Variants in DCST2 observed in about 807,000 individuals in gnomAD.
DCST2 encodes the protein DC-STAMP domain containing 2.
Under a neutral mutation model 81.8 loss-of-function variants are expected in DCST2, and 64 were observed. The observed-to-expected ratio is 0.78, with a 90% confidence interval of 0.64 to 0.96. The LOEUF (loss-of-function observed/expected upper bound fraction) is 0.96, where lower values mean the gene tolerates loss of function less well. Among genes scored for constraint, DCST2 ranks in the 40% least tolerant of loss-of-function variants. DCST2 has a pLI of 0.00. For missense variants in DCST2, 945 were observed against 1,001.4 expected, an observed-to-expected ratio of 0.94 and a Z score of 0.76; for synonymous variants, 354 against 402.6, an observed-to-expected ratio of 0.88 and a Z score of 1.44.
At position 155,026,539 on chromosome 1, in the gene DCST2, A is replaced by G. The variant is rs1463605253; in HGVS notation, c.1510+9T>C. 3.1e-6 allele frequency: 5 copies of G among 1,613,992 alleles called. No individual in the cohort carries two copies. Among genetic ancestry groups the G allele is most frequent in the Non-Finnish European group, 4.2e-6 (5 of 1,180,010 alleles). ...CACGCCCCCAGGGACCTCAGGGTGT[A>G]GTTGATACCAATGACTATGTAGCCA... On this transcript the variant is annotated intron_variant, in intron 9 of 14. Transcript: ENST00000368424.
intron 1 of DCST2, 83 bp from the exon 2 acceptor site, chr1:155,033,347 C>T (rs774533776): frequency 4.4e-6 from 7 of 1,584,600 alleles, no homozygotes; most frequent in East Asian, 2.2e-5. Context: ...CAGAATATTT[C>T]CCTTAACCCC....
At chr1:155,020,455 C>T (rs529507699) in intron 14 of DCST2, among the ~76,000 whole-genome samples, 5 of 151,770 alleles carry the variant, frequency 3.3e-5, no homozygotes, top group South Asian at 2.1e-4. Context: ...CTGCAACTTC[C>T]GCCTCCCGCG....
chr1:155,028,659 G>C (rs1399485926), intron 8 of DCST2, among the ~76,000 whole-genome samples: 1 of 149,836 alleles, frequency 6.7e-6, no homozygotes, highest in Non-Finnish European at 1.5e-5. Flanking sequence ...CAGATCATGA[G>C]GTCAAGAGAT....
intron 11 of DCST2, 124 bp downstream of exon 11, chr1:155,024,348 A>T: frequency 7.6e-7 from 1 of 1,324,340 alleles, no homozygotes; most frequent in Non-Finnish European, 1.0e-6. Flanking sequence ...CGTTAAGGGT[A>T]TGCAATGGGC....
chr1:155,025,486 G>A (rs563638267), intron 10 of DCST2, among the ~76,000 whole-genome samples: 10 of 151,794 alleles, frequency 6.6e-5, no homozygotes, highest in Non-Finnish European at 1.3e-4. Flanking sequence ...GTGCCACCAC[G>A]CCCGGCTAAT....
At position 155,032,875 on chromosome 1, in the gene DCST2, C is replaced by T. The variant is rs923841505; in HGVS notation, c.440-107G>A. The T allele has an allele frequency of 1.5e-5, 17 of 1,168,124 alleles. No individual in the cohort carries two copies. In the South Asian group the frequency reaches 1.5e-4, roughly 10 times the overall value. The allele number at this position is 1,168,124 out of a possible 1,614,324, so 72.4% of individuals were successfully genotyped here. Reference sequence around the variant, plus strand: ...GAGAGGAGGCCACCATTTCCAGAGGCGGGAAGCCTGGATTCTGGGGCCTGG... The same window carrying T: ...GAGAGGAGGCCACCATTTCCAGAGGTGGGAAGCCTGGATTCTGGGGCCTGG... On this transcript the variant is annotated intron_variant, in intron 2 of 14. Transcript: ENST00000368424.
In DCST2 at chr1:155,023,144, A is replaced by G; in HGVS notation, c.2078T>C (p.Leu693Pro). 1 of 1,613,584 alleles carries G rather than the reference A, an allele frequency of 6.2e-7. No individual in the cohort carries two copies. Residue 693 changes from leucine to proline, a missense_variant, in exon 14 of 15, where the codon CTC (leucine) becomes CCC (proline). Leu to Pro is a moderately conservative substitution (Grantham distance 98). Coordinates refer to ENST00000368424, the MANE Select transcript of DCST2 (RefSeq NM_144622.3). ...QQLQEVLGRS[L>P]SMESTSESSD... is the part of the protein sequence containing the mutation. ...GGACTCGGAAGTGGACTCCATTGAG[A>G]GGCTCCTGCCGAGCACTTCTTGGAG...
rs1571550654 is a variant in DCST2, at chr1:155,030,329, C to T, written c.1020-88G>A. 45 of 1,598,228 alleles carry T rather than the reference C, an allele frequency of 2.8e-5. No homozygotes were observed. In the East Asian group the frequency reaches 1.0e-3, roughly 36 times the overall value. On this transcript the variant is annotated intron_variant, in intron 6 of 14. Transcript: ENST00000368424. Reference sequence around the variant, plus strand: ...CATCCGCGCTTCAACCCCACAACTTCAACCTCCCTGGATGCTGGGGCAGGG... The same window carrying T: ...CATCCGCGCTTCAACCCCACAACTTTAACCTCCCTGGATGCTGGGGCAGGG...
chr1:155,026,220 C>T, intron 10 of DCST2, 82 bp downstream of exon 10: 2 of 1,378,124 alleles, frequency 1.5e-6, no homozygotes, highest in Non-Finnish European at 2.0e-6. Context: ...AGGAAGTCAG[C>T]TCCCAAAGCC....
rs368130513 is a variant in DCST2 at position 155,032,714 on chromosome 1, C to T, written c.494G>A (p.Arg165Gln). ...GATTGACCGAAAGAACTTGCGGACC[C>T]GGTCAGCCACCTCTTTGGTCTTCCG... ...IARKTKEVAD[R>Q]VRKFFRSIMD... is the part of the protein sequence containing the mutation. Residue 165 changes from arginine (R) to glutamine (Q), a missense_variant, in exon 3 of 15, where the codon CGG (arginine) becomes CAG (glutamine). By Grantham distance (43) the Arg-to-Gln change is conservative. Transcript: ENST00000368424. 39 of 1,614,000 alleles carry T rather than the reference C, an allele frequency of 2.4e-5. No individual in the cohort carries two copies. Among genetic ancestry groups the T allele is most frequent in the Middle Eastern group, 1.6e-4 (1 of 6,084 alleles).
chr1:155,020,826 ATCT>A lies in DCST2; in HGVS notation c.2106-2069_2106-2067del, dbSNP rs1659731711. On this transcript the variant is annotated intron_variant, in intron 14 of 14. Coordinates refer to ENST00000368424, the MANE Select transcript of DCST2 (RefSeq NM_144622.3). ...ATCCTACTTGATTTTTTTTTTTTTAATCTTCTAATTTTTTGAGACTGGGTCTTG... is the reference window on the plus strand; with the variant it reads ...ATCCTACTTGATTTTTTTTTTTTTAATCTAATTTTTTGAGACTGGGTCTTG... Among the ~76,000 whole-genome samples, 3 of 147,980 alleles carry A rather than the reference ATCT, an allele frequency of 2.0e-5. No homozygotes were observed. In the South Asian group the frequency reaches 6.4e-4, roughly 32 times the overall value.
intron 4 of DCST2, 55 bp downstream of exon 4, chr1:155,031,519 A>AACC: frequency 7.3e-6 from 3 of 412,712 alleles, no homozygotes; most frequent in South Asian, 2.4e-5. Flanking sequence ...CCACATTCCC[A>AACC]CCCCACCCCA....
chr1:155,031,513 A>AC, intron 4 of DCST2, 61 bp downstream of exon 4: 12 of 709,766 alleles, frequency 1.7e-5, no homozygotes, highest in South Asian at 4.2e-5. Flanking sequence ...TGACCCCCAC[A>AC]TTCCCACCCC....
At chr1:155,030,347 G>A (rs2102343364) in intron 6 of DCST2, 85 bp downstream of exon 6, 3 of 1,593,604 alleles carry the variant, frequency 1.9e-6, no homozygotes, top group East Asian at 4.5e-5. Flanking sequence ...CTGGATGCTG[G>A]GGCAGGGAGA....
chr1:155,031,071 T>C (rs1245347632), intron 5 of DCST2, 98 bp downstream of exon 5: 1 of 1,291,042 alleles, frequency 7.7e-7, no homozygotes, highest in Admixed American at 2.5e-5. Context: ...ACATTCTCCT[T>C]TATGGGCTGG....
At chr1:155,021,281 G>A (rs572485812) in intron 14 of DCST2, among the ~76,000 whole-genome samples, 13 of 152,078 alleles carry the variant, frequency 8.5e-5, no homozygotes, top group Admixed American at 4.6e-4. Context: ...GATTACAGGC[G>A]TGAGCCACCA....
intron 14 of DCST2, among the ~76,000 whole-genome samples, chr1:155,022,083 T>A (rs2102333716): frequency 6.6e-6 from 1 of 152,192 alleles, no homozygotes; most frequent in Admixed American, 6.5e-5. Context: ...GCCAGGCTGG[T>A]CTCGAACTCC....
chr1:155,026,836 G>A, intron 8 of DCST2, 121 bp from the exon 9 acceptor site: 2 of 1,259,560 alleles, frequency 1.6e-6, no homozygotes, highest in South Asian at 2.7e-5. Flanking sequence ...CCCTTGGCTG[G>A]GGGCCTCTGA....
At chr1:155,032,832 C>A (rs1660138240) in intron 2 of DCST2, 64 bp from the exon 3 acceptor site, 3 of 1,465,918 alleles carry the variant, frequency 2.0e-6, no homozygotes, top group East Asian at 4.5e-5. Flanking sequence ...CTCACCATTG[C>A]CCCTTAAGCA....
Sources: gnomAD v4.1 joint callset for allele counts (sites outside exome capture counted in the v4.1 genomes callset) on GRCh38, gnomAD v4.1.1 for gene constraint, MANE v1.5 for transcripts, NCBI Gene and HGNC (gene_info 2026-07-23, HGNC 2026-07-21) for gene names.